Variants in DDAH1 observed in about 807,000 individuals in gnomAD.
DDAH1 encodes the protein N(G),N(G)-dimethylarginine dimethylaminohydrolase 1.
Under a neutral mutation model 28.8 loss-of-function variants are expected in DDAH1, and 19 were observed. The ratio of observed to expected loss-of-function variants is 0.66; its 90% confidence interval spans 0.46 to 0.97. The LOEUF (loss-of-function observed/expected upper bound fraction) is 0.97, where lower values mean the gene tolerates loss of function less well. Among genes scored for constraint, DDAH1 ranks in the 50% least tolerant of loss-of-function variants. The pLI is 0.00. For synonymous variants in DDAH1, 153 were observed against 154.4 expected (o/e 0.99, Z 0.07); for missense variants, 326 against 375.9 (o/e 0.87, Z 1.10).
At chr1:85,406,426 A>C (rs1429213750) in intron 1 of DDAH1, among the ~76,000 whole-genome samples, 1 of 152,210 alleles carries the variant, frequency 6.6e-6, no homozygotes, top group Non-Finnish European at 1.5e-5. Flanking sequence ...AAAATGAAAT[A>C]GTAACCTCTA....
In DDAH1 at chr1:85,324,763, C is replaced by T. The variant is rs766962331; in HGVS notation, c.718G>A (p.Glu240Lys). 1 of 1,613,982 alleles carries T rather than the reference C, an allele frequency of 6.2e-7. No individual in the cohort carries two copies. Among genetic ancestry groups the T allele is most frequent in the African/African-American group, 1.3e-5 (1 of 74,910 alleles). The change falls in exon 5 of 6, where the codon GAA becomes AAA. Residue 240 changes from glutamate to lysine, a missense_variant. By Grantham distance (56) the Glu-to-Lys change is moderately conservative. Transcript: ENST00000284031. ...KGHVLLHRTP[E>K]EYPESAKVYE... The stretch of plus-strand genomic sequence containing the variant: ...ACCTTTGCACTTTCTGGATACTCTT[C>T]CGGGGTTCGGTGCAGCAAGACGTGC...
chr1:85,445,911 T>C (rs1654407808), intron 1 of DDAH1, among the ~76,000 whole-genome samples: 1 of 152,182 alleles, frequency 6.6e-6, no homozygotes, highest in Admixed American at 6.5e-5. Flanking sequence ...TCATGTTACA[T>C]TTTAAAGCCA....
chr1:85,446,997 T>C (rs941598062), intron 1 of DDAH1, among the ~76,000 whole-genome samples: 2 of 152,158 alleles, frequency 1.3e-5, no homozygotes, highest in African/African-American at 2.4e-5. Flanking sequence ...GTGGTCATCA[T>C]TGAATTTTAA....
chr1:85,476,613 G>T (rs1218278666), intron 2 of DDAH1, among the ~76,000 whole-genome samples: 2 of 152,054 alleles, frequency 1.3e-5, no homozygotes, highest in African/African-American at 4.8e-5. Context: ...GTGAGAAGTG[G>T]AAGCTGCCGT....
chr1:85,337,617 C>A (rs1648221861), intron 4 of DDAH1, among the ~76,000 whole-genome samples: 1 of 152,100 alleles, frequency 6.6e-6, no homozygotes, highest in South Asian at 2.1e-4. Context: ...CCATGACCAG[C>A]TAATTTTTGT....
At chr1:85,362,133 A>C (rs1203862224) in intron 1 of DDAH1, among the ~76,000 whole-genome samples, 1 of 151,608 alleles carries the variant, frequency 6.6e-6, no homozygotes, top group Non-Finnish European at 1.5e-5. Flanking sequence ...TTTTTTTTGC[A>C]AAGCCAGTAT....
At chr1:85,400,499 GGC>G (rs1652043675) in intron 1 of DDAH1, among the ~76,000 whole-genome samples, 1 of 151,780 alleles carries the variant, frequency 6.6e-6, no homozygotes, top group Non-Finnish European at 1.5e-5. Flanking sequence ...CACTGTGCCT[GGC>G]CTACTCTTGC....
At chr1:85,543,798 C>T (rs541597220) in intron 1 of DDAH1, among the ~76,000 whole-genome samples, 1 of 152,230 alleles carries the variant, frequency 6.6e-6, no homozygotes, top group African/African-American at 2.4e-5. Flanking sequence ...GTTTCATAAA[C>T]TTAACACAAT....
intron 1 of DDAH1, among the ~76,000 whole-genome samples, chr1:85,450,766 C>T (rs956589423): frequency 1.3e-5 from 2 of 152,078 alleles, no homozygotes; most frequent in African/African-American, 2.4e-5. Flanking sequence ...TGGAATTTCA[C>T]CTGCAATGTA....
At chr1:85,501,927 C>T (rs888271166) in intron 1 of DDAH1, among the ~76,000 whole-genome samples, 1 of 152,074 alleles carries the variant, frequency 6.6e-6, no homozygotes, top group South Asian at 2.1e-4. Flanking sequence ...TCTTGATTTT[C>T]CTCCTAAATT....
chr1:85,341,829 A>G (rs758043119), intron 4 of DDAH1, among the ~76,000 whole-genome samples: 2 of 148,750 alleles, frequency 1.3e-5, no homozygotes, highest in Middle Eastern at 3.6e-3. Flanking sequence ...AAAAACAAAG[A>G]GAAAAACAAA....
intron 1 of DDAH1, among the ~76,000 whole-genome samples, chr1:85,560,016 C>G (rs1659095580): frequency 6.6e-6 from 1 of 151,950 alleles, no homozygotes; most frequent in Middle Eastern, 3.2e-3. Context: ...GACACCAAGA[C>G]AAATCATTGA....
At chr1:85,484,251 T>G (rs796333092) in intron 2 of DDAH1, among the ~76,000 whole-genome samples, 4 of 150,856 alleles carry the variant, frequency 2.7e-5, no homozygotes, top group African/African-American at 7.4e-5. Context: ...AAATTTTATC[T>G]ATCTACCTAT....
At chr1:85,473,033 T>C (rs1327638421) in intron 2 of DDAH1, among the ~76,000 whole-genome samples, 1 of 152,214 alleles carries the variant, frequency 6.6e-6, no homozygotes, top group Non-Finnish European at 1.5e-5. Context: ...GCTGCATCCA[T>C]GTTGTTGCAA....
chr1:85,466,363 G>T (rs1339564049), upstream of DDAH1, among the ~76,000 whole-genome samples: 1 of 152,166 alleles, frequency 6.6e-6, no homozygotes, highest in Non-Finnish European at 1.5e-5. Flanking sequence ...CAATTCTCCT[G>T]CCTCAGCCTC....
intron 1 of DDAH1, among the ~76,000 whole-genome samples, chr1:85,563,613 T>C (rs1007622770): frequency 2.0e-5 from 3 of 152,156 alleles, no homozygotes; most frequent in African/African-American, 4.8e-5. Flanking sequence ...CCCGACAAGG[T>C]AGAATTCACA....
intron 1 of DDAH1, among the ~76,000 whole-genome samples, chr1:85,566,988 G>A (rs951859070): frequency 6.6e-5 from 10 of 152,312 alleles, no homozygotes; most frequent in African/African-American, 2.2e-4. Context: ...GATTGAGACT[G>A]AAGGCAGAAG....
Position 85,390,620 on chromosome 1 carries a change from C to T in DDAH1, c.304-31773G>A, listed in dbSNP as rs114143146. 7.0e-3 allele frequency among the ~76,000 whole-genome samples: 1,062 copies of T among 152,232 alleles called. 12 individuals carry two copies. The highest frequency in any genetic ancestry group is 0.024 in the African/African-American group (1,012 of 41,532). The stretch of plus-strand genomic sequence containing the variant: ...TGGGGTTGCCACACCCACCCCCATA[C>T]CACAGTGCCAGCTTCTTAGACGGTA... On this transcript the variant is annotated intron_variant, in intron 1 of 5. Coordinates refer to ENST00000284031, the MANE Select transcript of DDAH1 (RefSeq NM_012137.4).
intron 1 of DDAH1, among the ~76,000 whole-genome samples, chr1:85,523,716 G>C (rs1383086822): frequency 2.0e-5 from 3 of 152,184 alleles, no homozygotes; most frequent in Non-Finnish European, 4.4e-5. Flanking sequence ...TGCCCAAAAA[G>C]TATCAGCTAT....
Sources: gnomAD v4.1 joint callset for allele counts (sites outside exome capture counted in the v4.1 genomes callset) on GRCh38, gnomAD v4.1.1 for gene constraint, MANE v1.5 for transcripts, NCBI Gene and HGNC (gene_info 2026-07-23, HGNC 2026-07-21) for gene names.